Variants in SLIT1 observed in about 807,000 individuals in gnomAD.
SLIT1 encodes slit guidance ligand 1.
A neutral mutation model predicts 186.1 loss-of-function variants in SLIT1; 66 were observed. The observed-to-expected ratio is 0.35, with a 90% confidence interval of 0.29 to 0.44. SLIT1 has a LOEUF of 0.44. Ranked by LOEUF, SLIT1 falls within the 20% of genes least tolerant of loss-of-function variation. The probability of loss-of-function intolerance (pLI) is 1.00; values close to 1 mark genes in which losing one functional copy is unlikely to be tolerated. For synonymous variants in SLIT1, 761 were observed against 833.8 expected (o/e 0.91, Z 1.50); for missense variants, 1,638 against 2,037.4 (o/e 0.80, Z 3.77).
intron 4 of SLIT1, among the ~76,000 whole-genome samples, chr10:97,113,977 A>G (rs528522936): frequency 7.4e-4 from 113 of 152,240 alleles, no homozygotes; most frequent in Non-Finnish European, 1.4e-3. Context: ...GGAGTGAGGC[A>G]TTGAGGGGAA....
intron 4 of SLIT1, among the ~76,000 whole-genome samples, chr10:97,136,154 G>A (rs1052506802): frequency 6.6e-6 from 1 of 152,110 alleles, no homozygotes; most frequent in African/African-American, 2.4e-5. Flanking sequence ...AAGAGTGAAC[G>A]CTTGTGTCAA....
chr10:97,043,921 C>T lies in SLIT1; in HGVS notation c.1854-408G>A, dbSNP rs74542871. On this transcript the variant is annotated intron_variant, in intron 18 of 36. Transcript: ENST00000266058. This position sits in a 1 kb window ranked among gnomAD's most constrained non-coding sequence, Gnocchi z 7.0. ...CACTAACAGCCTCCAAACTGCCCAC[C>T]GAGTCATGCTCGAACTCCTTACTGT... Among the ~76,000 whole-genome samples, 18,840 of 152,232 alleles carry T rather than the reference C, an allele frequency of 0.12. 1,371 individuals carry two copies. The highest frequency in any genetic ancestry group is 0.18 in the African/African-American group (7,362 of 41,528).
chr10:97,056,276 C>T, intron 13 of SLIT1, 45 bp downstream of exon 13: 1 of 1,606,834 alleles, frequency 6.2e-7, no homozygotes, highest in African/African-American at 1.3e-5. Flanking sequence ...CTCCCCCAGG[C>T]CCACCTGCTG....
Position 97,143,636 on chromosome 10 carries a change from AT to A in SLIT1, c.413+14181del, listed in dbSNP as rs386746824. Reference sequence around the variant, plus strand: ...TTATCACAATTTTAGAAAAGCCACTATTGATGAGAGGTAGGACAGCCTAGAA... The same window carrying A: ...TTATCACAATTTTAGAAAAGCCACTATGATGAGAGGTAGGACAGCCTAGAA... On this transcript the variant is annotated intron_variant, in intron 4 of 36. Transcript: ENST00000266058. Among the ~76,000 whole-genome samples the A allele has an allele frequency of 3.4e-3, 514 of 152,292 alleles. 5 individuals are homozygous for A. Among genetic ancestry groups the A allele is most frequent in the African/African-American group, 0.012 (498 of 41,556 alleles).
chr10:97,077,533 G>A (rs1485978418), intron 4 of SLIT1, among the ~76,000 whole-genome samples: 2 of 152,200 alleles, frequency 1.3e-5, no homozygotes, highest in South Asian at 2.1e-4. Flanking sequence ...GATTCAAAAC[G>A]AAGCTCAGCA....
intron 4 of SLIT1, among the ~76,000 whole-genome samples, chr10:97,122,410 T>A (rs1416040184): frequency 6.6e-6 from 1 of 152,164 alleles, no homozygotes; most frequent in Non-Finnish European, 1.5e-5. Flanking sequence ...AACAGACTCC[T>A]GTTACGAAAA....
At chr10:97,029,953 G>A (rs1404177358) in intron 25 of SLIT1, among the ~76,000 whole-genome samples, 2 of 152,164 alleles carry the variant, frequency 1.3e-5, no homozygotes, top group African/African-American at 2.4e-5. Context: ...GTCATAGCAC[G>A]CATCGGAACT....
chr10:97,004,606 C>T lies in SLIT1; in HGVS notation c.3710+87G>A. On this transcript the variant is annotated intron_variant, in intron 33 of 36. Transcript: ENST00000266058. The surrounding 1 kb of genome is among the most constrained non-coding windows in gnomAD (Gnocchi z 5.1). Reference sequence around the variant, plus strand: ...AGGCAGCCCAGGTTTCTAGAGGTCTCGATAACCACCTGCTTTTGGCCCAGG... The same window carrying T: ...AGGCAGCCCAGGTTTCTAGAGGTCTTGATAACCACCTGCTTTTGGCCCAGG... 10 of 1,524,884 alleles carry T rather than the reference C, an allele frequency of 6.6e-6. No homozygotes were observed. Among genetic ancestry groups the T allele is most frequent in the East Asian group, 2.2e-5 (1 of 44,476 alleles). 94.5% of individuals were successfully genotyped at this position (1,524,884 alleles called of 1,614,324 possible). A position where few individuals can be genotyped will look rare whatever the true frequency, so the allele number is the denominator to read the frequency against.
intron 4 of SLIT1, among the ~76,000 whole-genome samples, chr10:97,081,101 G>A (rs776503821): frequency 1.3e-5 from 2 of 152,204 alleles, no homozygotes; most frequent in Non-Finnish European, 1.5e-5. Flanking sequence ...GACTCTGAGG[G>A]GCAGACTCTT....
intron 4 of SLIT1, among the ~76,000 whole-genome samples, chr10:97,115,958 G>A (rs1434706361): frequency 1.3e-5 from 2 of 152,206 alleles, no homozygotes; most frequent in Admixed American, 1.3e-4. Context: ...GGCAGAGTAT[G>A]AGAAGCAGGG....
intron 4 of SLIT1, among the ~76,000 whole-genome samples, chr10:97,109,718 G>C (rs897434153): frequency 6.6e-6 from 1 of 152,182 alleles, no homozygotes; most frequent in Non-Finnish European, 1.5e-5. Context: ...GGCGGGTCTG[G>C]CGTGTGTGCT....
At chr10:97,122,440 G>A (rs1051895701) in intron 4 of SLIT1, among the ~76,000 whole-genome samples, 2 of 152,206 alleles carry the variant, frequency 1.3e-5, no homozygotes, top group Non-Finnish European at 2.9e-5. Context: ...ACGGTGTCGA[G>A]AGCAGGTGGC....
intron 13 of SLIT1, among the ~76,000 whole-genome samples, chr10:97,051,261 C>A (rs1425912091): frequency 6.8e-5 from 10 of 147,854 alleles, no homozygotes; most frequent in African/African-American, 7.5e-5. Context: ...AATCAAAATG[C>A]AAAAAAAAAA....
intron 4 of SLIT1, among the ~76,000 whole-genome samples, chr10:97,121,397 G>A (rs190936311): frequency 1.3e-5 from 2 of 152,220 alleles, no homozygotes; most frequent in South Asian, 2.1e-4. Context: ...CATGTGCAGA[G>A]CCCCACCAGC....
At chr10:97,030,329 C>T (rs1589367755) in intron 25 of SLIT1, among the ~76,000 whole-genome samples, 1 of 152,192 alleles carries the variant, frequency 6.6e-6, no homozygotes, top group Non-Finnish European at 1.5e-5. Context: ...AGGCACAGTA[C>T]TAGTGGAGCG....
intron 4 of SLIT1, among the ~76,000 whole-genome samples, chr10:97,080,383 C>T (rs139406599): frequency 5.9e-5 from 9 of 152,332 alleles, no homozygotes; most frequent in Non-Finnish European, 1.0e-4. Flanking sequence ...GCATCCCCAG[C>T]GGGGGCCCAA....
intron 4 of SLIT1, among the ~76,000 whole-genome samples, chr10:97,093,430 C>T (rs1203069547): frequency 1.3e-5 from 2 of 152,152 alleles, no homozygotes; most frequent in Admixed American, 6.5e-5. Flanking sequence ...AAAAAACTTC[C>T]AGAAAAATCT....
intron 1 of SLIT1, among the ~76,000 whole-genome samples, chr10:97,182,333 A>G (rs1420394982): frequency 6.6e-6 from 1 of 152,248 alleles, no homozygotes; most frequent in Non-Finnish European, 1.5e-5. Context: ...TGCCCAAAGG[A>G]CAAAAGGCAA....
At chr10:97,073,863 C>G (rs975330800) in intron 4 of SLIT1, among the ~76,000 whole-genome samples, 2 of 152,176 alleles carry the variant, frequency 1.3e-5, no homozygotes, top group African/African-American at 4.8e-5. Context: ...AGAGGTGCCG[C>G]TGCCTACTCC....
Sources: gnomAD v4.1 joint callset for allele counts (sites outside exome capture counted in the v4.1 genomes callset) on GRCh38, gnomAD v4.1.1 for gene constraint, Gnocchi (gnomAD v3.1) non-coding constraint, MANE v1.5 for transcripts, NCBI Gene and HGNC (gene_info 2026-07-23, HGNC 2026-07-21) for gene names.